The following MROH1 variants were observed in gnomAD, a reference collection of about 807,000 sequenced individuals.
MROH1 encodes maestro heat-like repeat-containing protein family member 1.
A neutral mutation model predicts 116.5 loss-of-function variants in MROH1; 117 were observed. The observed-to-expected ratio is 1.00, with a 90% CI of 0.86 to 1.17. MROH1 has a LOEUF of 1.17. Among genes scored for constraint, MROH1 ranks in the 50% most tolerant of loss-of-function variants. MROH1 has a pLI of 0.00. For synonymous variants in MROH1, 921 were observed against 583.9 expected, an observed-to-expected ratio of 1.58 and a Z score of -8.32; for missense variants, 1,873 against 1,338.5, an observed-to-expected ratio of 1.40 and a Z score of -6.23.
chr8:144,208,510 C>T (rs1205162443), intron 12 of MROH1, among the ~76,000 whole-genome samples: 2 of 151,802 alleles, frequency 1.3e-5, no homozygotes, highest in Non-Finnish European at 2.9e-5. Context: ...GGGTACCAGC[C>T]ATATTGGATG....
intron 1 of MROH1, among the ~76,000 whole-genome samples, chr8:144,159,178 T>C (rs1818886247): frequency 6.6e-6 from 1 of 152,112 alleles, no homozygotes; most frequent in Non-Finnish European, 1.5e-5. Context: ...GCCAATGTGG[T>C]GAAACCCCAT....
At chr8:144,213,448 T>C (rs1834605598) in intron 12 of MROH1, 1 of 217,596 alleles carries the variant, frequency 4.6e-6, no homozygotes, top group Non-Finnish European at 9.0e-6. Context: ...CAAAAACAAA[T>C]AAACAGGATG....
chr8:144,239,235 G>A, intron 16 of MROH1, 56 bp downstream of exon 16: 1 of 692,880 alleles, frequency 1.4e-6, no homozygotes, highest in South Asian at 1.4e-5. Context: ...CCCCACTCCT[G>A]CCCCCACTTC....
In MROH1 at chr8:144,195,195, T is replaced by TAAAAAAAAAAAAAAAAAAAAAAA. The variant is rs561902621; in HGVS notation, c.948+2796_948+2818dup. ...GGGTGACAGTGCGAGACTGTGTCTTTAAAAAAAAAAAAAAAAAAAAAAAAG... is the reference window on the plus strand; with the variant it reads ...GGGTGACAGTGCGAGACTGTGTCTTTAAAAAAAAAAAAAAAAAAAAAAAAAAAAAAAAAAAAAAAAAAAAAAAG... On this transcript the variant is annotated intron_variant, in intron 10 of 43. Transcript: ENST00000326134. Among the ~76,000 whole-genome samples, 17 of 11,684 alleles carry TAAAAAAAAAAAAAAAAAAAAAAA rather than the reference T, an allele frequency of 1.5e-3. 4 individuals carry two copies. The highest frequency in any genetic ancestry group is 2.3e-3 in the Admixed American group (1 of 438). The allele number at this position is 11,684 out of a possible 152,430, so 7.7% of individuals were successfully genotyped here.
intron 4 of MROH1, among the ~76,000 whole-genome samples, chr8:144,170,330 A>T (rs553403784): frequency 6.6e-6 from 1 of 152,122 alleles, no homozygotes; most frequent in African/African-American, 2.4e-5. Flanking sequence ...CTGAATTTTT[A>T]AAAAGTCTGC....
Position 144,241,471 on chromosome 8 carries a change from G to C in MROH1, c.2132G>C (p.Arg711Thr). ...CTGGCCCAGCTGGAGGACTTCGTGAGGTCAGAGGTCTTCAGAAAATCCATT... is the reference window on the plus strand; with the variant it reads ...CTGGCCCAGCTGGAGGACTTCGTGACGTCAGAGGTCTTCAGAAAATCCATT... Reference protein sequence around the residue: ...DTLAQLEDFVRSEVFRKSIGI... With the variant: ...DTLAQLEDFVTSEVFRKSIGI... Residue 711 changes from arginine (R) to threonine (T), a missense_variant, in exon 22 of 44, where the codon AGG (arginine) becomes ACG (threonine). Arg to Thr is a moderately conservative substitution (Grantham distance 71). Coordinates refer to ENST00000326134, the MANE Select transcript of MROH1 (RefSeq NM_032450.3). 1 of 778,724 alleles carries C rather than the reference G, an allele frequency of 1.3e-6. No homozygotes were observed. Among genetic ancestry groups the C allele is most frequent in the Non-Finnish European group, 2.4e-6 (1 of 417,794 alleles). 48.2% of individuals were successfully genotyped at this position (778,724 alleles called of 1,614,324 possible).
intron 18 of MROH1, 37 bp downstream of exon 18, chr8:144,239,792 G>A: frequency 2.8e-6 from 2 of 715,484 alleles, no homozygotes; most frequent in Admixed American, 2.0e-5. Flanking sequence ...ATAGCCCTGT[G>A]GGGAGGGCAG....
chr8:144,212,198 C>T (rs1588211848), intron 12 of MROH1, among the ~76,000 whole-genome samples: 4 of 152,210 alleles, frequency 2.6e-5, no homozygotes, highest in Admixed American at 2.6e-4. Context: ...ATCCTCCTGT[C>T]TCAGCCTCCT....
At chr8:144,172,766 A>G (rs1476189021) in intron 4 of MROH1, among the ~76,000 whole-genome samples, 2 of 152,092 alleles carry the variant, frequency 1.3e-5, no homozygotes, top group Non-Finnish European at 2.9e-5. Context: ...CCTACGCCCT[A>G]TAAGCACTCC....
intron 33 of MROH1, chr8:144,251,194 CA>C (rs1162273750): frequency 1.6e-4 from 25 of 154,144 alleles, no homozygotes; most frequent in Admixed American, 1.5e-3. Context: ...TAGGTGCATC[CA>C]AGCTGCAATG....
At chr8:144,171,295 C>T (rs1822373107) in intron 4 of MROH1, among the ~76,000 whole-genome samples, 1 of 152,220 alleles carries the variant, frequency 6.6e-6, no homozygotes, top group South Asian at 2.1e-4. Context: ...AATGCAGGGA[C>T]AGAGTGGCCT....
chr8:144,183,255 G>A (rs1008104314), intron 7 of MROH1, among the ~76,000 whole-genome samples: 3 of 151,430 alleles, frequency 2.0e-5, no homozygotes, highest in Admixed American at 2.0e-4. Flanking sequence ...GGTAGCACAT[G>A]CCTGTATTCC....
chr8:144,210,060 TCA>T (rs1472676063), intron 12 of MROH1, among the ~76,000 whole-genome samples: 1 of 151,786 alleles, frequency 6.6e-6, no homozygotes, highest in Non-Finnish European at 1.5e-5. Flanking sequence ...CCTATTCCAG[TCA>T]CAGTTCTTCA....
intron 10 of MROH1, among the ~76,000 whole-genome samples, chr8:144,198,230 A>G (rs1830384629): frequency 1.3e-5 from 2 of 151,940 alleles, no homozygotes; most frequent in Admixed American, 6.6e-5. Context: ...GGCTCATAAG[A>G]GGGCTCTGCT....
In MROH1 at chr8:144,163,713, G is replaced by T; in HGVS notation, c.-56-58G>T. The T allele has an allele frequency of 9.9e-7, 1 of 1,014,128 alleles. No individual in the cohort carries two copies. The highest frequency in any genetic ancestry group is 2.3e-5 in the Admixed American group (1 of 43,970). The allele number at this position is 1,014,128 out of a possible 1,614,324, so 62.8% of individuals were successfully genotyped here. ...TTTTACATGGAAATGGTAATTGCCT[G>T]TGAACTCAGATATCGTAGAGGCTTA... is the stretch of plus-strand genomic sequence containing the variant. On this transcript the variant is annotated intron_variant, in intron 2 of 43. Coordinates refer to ENST00000326134, the MANE Select transcript of MROH1 (RefSeq NM_032450.3). This position sits in a 1 kb window ranked among gnomAD's most constrained non-coding sequence, Gnocchi z 4.4.
chr8:144,254,760 G>A (rs1843403740), intron 33 of MROH1, 53 bp from the exon 34 acceptor site: 6 of 732,736 alleles, frequency 8.2e-6, no homozygotes, highest in Non-Finnish European at 1.5e-5. Context: ...GTGGCGGGGG[G>A]CAGGCGCCCT....
rs1183498210 is a variant in MROH1, at chr8:144,247,512, T to C, written c.3008-55T>C. 3.9e-6 allele frequency: 3 copies of C among 760,336 alleles called. No homozygotes were observed. In the African/African-American group the frequency reaches 5.1e-5, roughly 13 times the overall value. The allele number at this position is 760,336 out of a possible 1,614,324, so 47.1% of individuals were successfully genotyped here. ...GAGGGATGAGGTGCGGAGTCCAGGC[T>C]GTGGGATCGCCAGGGAGGGCCTGGG... On this transcript the variant is annotated intron_variant, in intron 30 of 43. Coordinates refer to ENST00000326134, the MANE Select transcript of MROH1 (RefSeq NM_032450.3).
chr8:144,186,473 G>A (rs560052920), intron 7 of MROH1, among the ~76,000 whole-genome samples: 2 of 152,298 alleles, frequency 1.3e-5, no homozygotes, highest in Admixed American at 1.3e-4. Context: ...CCAGGGACCA[G>A]CCTCACTCAG....
intron 7 of MROH1, among the ~76,000 whole-genome samples, chr8:144,181,066 G>A (rs185386596): frequency 2.0e-5 from 3 of 152,152 alleles, no homozygotes; most frequent in Non-Finnish European, 2.9e-5. Flanking sequence ...CTGTTAGAAG[G>A]GGGTGTGGAG....
Sources: allele counts gnomAD v4.1 joint callset (sites outside exome capture counted in the v4.1 genomes callset), GRCh38; gene constraint gnomAD v4.1.1; non-coding constraint Gnocchi (gnomAD v3.1); transcripts MANE v1.5; gene names NCBI Gene and HGNC (gene_info 2026-07-23, HGNC 2026-07-21).